The following TENM1 variants were observed in gnomAD, a reference collection of about 807,000 sequenced individuals.
TENM1 encodes teneurin-1.
Under a neutral mutation model 174.8 loss-of-function variants are expected in TENM1, and 35 were observed. The observed-to-expected ratio is 0.20, with a 90% CI of 0.15 to 0.27. TENM1 has a LOEUF of 0.27. TENM1 is among the 10% of genes least tolerant of loss of function. The pLI is 1.00. For missense variants in TENM1, 1,633 were observed against 2,130.1 expected (o/e 0.77, Z 4.59); for synonymous variants, 781 against 798.7 (o/e 0.98, Z 0.37).
chrX:124,789,049 T>G (rs187351109), intron 3 of TENM1, among the ~76,000 whole-genome samples: 1 of 112,290 alleles, frequency 8.9e-6, no homozygotes, highest in African/African-American at 3.2e-5. Flanking sequence ...TTCTGAAATC[T>G]AGGTGGAGGT....
chrX:124,412,328 C>G, intron 25 of TENM1, among the ~76,000 whole-genome samples: 1 of 112,540 alleles, frequency 8.9e-6, no homozygotes, highest in East Asian at 2.8e-4. Context: ...CCATTCTTGT[C>G]CTTGAGAAGC....
chrX:124,679,919 AT>A (rs1471777893), intron 5 of TENM1, among the ~76,000 whole-genome samples: 15 of 111,821 alleles, frequency 1.3e-4, no homozygotes, highest in African/African-American at 3.2e-4. Flanking sequence ...ACATACTTAA[AT>A]GTTTCTTTTT....
the TENM1 span, among the ~76,000 whole-genome samples, chrX:125,005,513 G>A: frequency 3.4e-4 from 37 of 108,277 alleles, no homozygotes; most frequent in Non-Finnish European, 7.7e-5. Context: ...AGAGTCTAGG[G>A]TTTGTTTGCT....
At chrX:124,742,625 T>A (rs2053826179) in intron 3 of TENM1, among the ~76,000 whole-genome samples, 1 of 110,756 alleles carries the variant, frequency 9.0e-6, no homozygotes, top group Non-Finnish European at 1.9e-5. Flanking sequence ...TCACTCTGGG[T>A]GAGTGTATAT....
At chrX:125,103,646 G>C in the TENM1 span, among the ~76,000 whole-genome samples, 1 of 112,339 alleles carries the variant, frequency 8.9e-6, no homozygotes, top group Admixed American at 9.4e-5. Flanking sequence ...CAACTCAACC[G>C]TCTGACTTCC....
intron 22 of TENM1, among the ~76,000 whole-genome samples, chrX:124,471,280 A>AAT (rs1491208842): frequency 2.3e-5 from 1 of 43,663 alleles, no homozygotes; most frequent in Non-Finnish European, 3.6e-5. Flanking sequence ...TACTATATAT[A>AAT]ATATATAGTA....
At chrX:125,127,060 C>T in the TENM1 span, among the ~76,000 whole-genome samples, 1 of 111,766 alleles carries the variant, frequency 8.9e-6, no homozygotes, top group Non-Finnish European at 1.9e-5. Flanking sequence ...TATATATGCA[C>T]ATGCAAAAAT....
chrX:125,073,778 A>C, the TENM1 span, among the ~76,000 whole-genome samples: 29 of 111,709 alleles, frequency 2.6e-4, no homozygotes, highest in African/African-American at 9.1e-4. Flanking sequence ...TTACTTCATT[A>C]ATCAATGATT....
chrX:125,160,823 C>T, the TENM1 span, among the ~76,000 whole-genome samples: 3 of 109,498 alleles, frequency 2.7e-5, no homozygotes, highest in Non-Finnish European at 3.8e-5. Flanking sequence ...GGATGGGACA[C>T]TCTTAAATTG....
the TENM1 span, among the ~76,000 whole-genome samples, chrX:125,198,288 A>C: frequency 8.9e-6 from 1 of 112,064 alleles, no homozygotes; most frequent in East Asian, 2.8e-4. Context: ...TTGAAAAGGA[A>C]AAATAACCAA....
chrX:124,491,452 A>T (rs773851836), intron 20 of TENM1, among the ~76,000 whole-genome samples: 22 of 111,295 alleles, frequency 2.0e-4, no homozygotes, highest in Non-Finnish European at 3.4e-4. Flanking sequence ...CTATCTTAAA[A>T]TTTTTTTCAA....
intron 3 of TENM1, among the ~76,000 whole-genome samples, chrX:124,760,492 C>G (rs1418290346): frequency 9.0e-6 from 1 of 111,358 alleles, no homozygotes; most frequent in African/African-American, 3.3e-5. Context: ...AGAGGGCATC[C>G]CCGTCTTGTG....
the TENM1 span, among the ~76,000 whole-genome samples, chrX:125,115,684 A>G: frequency 9.0e-6 from 1 of 111,277 alleles, no homozygotes; most frequent in Non-Finnish European, 1.9e-5. Flanking sequence ...CTTACAAGGG[A>G]TGTGAAGGAC....
chrX:124,460,352 T>C (rs769601989), intron 22 of TENM1, among the ~76,000 whole-genome samples: 1 of 111,710 alleles, frequency 9.0e-6, no homozygotes, highest in Non-Finnish European at 1.9e-5. Context: ...TGATAGACTG[T>C]ATAAAGAAAA....
the TENM1 span, among the ~76,000 whole-genome samples, chrX:125,025,952 C>T: frequency 2.7e-5 from 3 of 110,698 alleles, no homozygotes; most frequent in Admixed American, 9.7e-5. Context: ...ACACTAAATG[C>T]CTTTATTCAT....
the TENM1 span, among the ~76,000 whole-genome samples, chrX:125,179,450 CAA>C: frequency 3.8e-5 from 4 of 106,308 alleles, no homozygotes; most frequent in East Asian, 1.2e-3. Context: ...CCCATCTCTA[CAA>C]AAAAAAAATA....
chrX:125,038,650 T>C, the TENM1 span, among the ~76,000 whole-genome samples: 1 of 111,191 alleles, frequency 9.0e-6, no homozygotes, highest in South Asian at 3.7e-4. Context: ...CATGCCTATG[T>C]CTACAGTAGG....
chrX:124,447,769 C>A (rs1040986155), intron 23 of TENM1, among the ~76,000 whole-genome samples: 71 of 111,210 alleles, frequency 6.4e-4, no homozygotes, highest in African/African-American at 2.3e-3. Context: ...CTCATTCCTC[C>A]GTTTTTTCTT....
chrX:124,695,229 G>A (rs1207076793), intron 5 of TENM1, among the ~76,000 whole-genome samples: 1 of 110,995 alleles, frequency 9.0e-6, no homozygotes, highest in Non-Finnish European at 1.9e-5. Context: ...TACTATTTTT[G>A]CCACAACAAA....
Sources: allele counts gnomAD v4.1 joint callset (sites outside exome capture counted in the v4.1 genomes callset), GRCh38; gene constraint gnomAD v4.1.1; transcripts MANE v1.5; gene names NCBI Gene and HGNC (gene_info 2026-07-23, HGNC 2026-07-21).